MDGA2: variants seen among roughly 807,000 people sequenced by gnomAD.
MDGA2 encodes the protein MAM domain-containing glycosylphosphatidylinositol anchor protein 2.
A neutral mutation model predicts 117.8 loss-of-function variants in MDGA2; 40 were observed. The ratio of observed to expected loss-of-function variants is 0.34; its 90% CI spans 0.26 to 0.44. The LOEUF (loss-of-function observed/expected upper bound fraction) is 0.44, where lower values mean the gene tolerates loss of function less well. Ranked by LOEUF, MDGA2 falls within the 20% of genes least tolerant of loss-of-function variation. MDGA2 has a pLI of 1.00. For missense variants in MDGA2, 1,123 were observed against 1,250.6 expected, an observed-to-expected ratio of 0.90 and a Z score of 1.54; for synonymous variants, 452 against 439.0, an observed-to-expected ratio of 1.03 and a Z score of -0.37.
At chr14:47,439,738 T>C (rs1892967103) in intron 1 of MDGA2, among the ~76,000 whole-genome samples, 1 of 151,956 alleles carries the variant, frequency 6.6e-6, no homozygotes, top group South Asian at 2.1e-4. Flanking sequence ...GTCTAAATAT[T>C]ATTGTCCAAT....
intron 2 of MDGA2, among the ~76,000 whole-genome samples, chr14:47,233,413 G>A (rs80116125): frequency 2.0e-5 from 3 of 152,130 alleles, no homozygotes; most frequent in East Asian, 3.9e-4. Flanking sequence ...CTCCTTACGC[G>A]CTTAGTTTTC....
At chr14:47,437,387 T>C (rs1370853628) in intron 1 of MDGA2, among the ~76,000 whole-genome samples, 1 of 152,162 alleles carries the variant, frequency 6.6e-6, no homozygotes, top group Admixed American at 6.5e-5. Context: ...TAAATCTCAG[T>C]AAATAACAGC....
At chr14:46,933,827 T>C (rs1323524912) in intron 9 of MDGA2, among the ~76,000 whole-genome samples, 3 of 61,590 alleles carry the variant, frequency 4.9e-5, no homozygotes, top group Non-Finnish European at 7.2e-5. Context: ...TATATATATA[T>C]ATATATATAT....
intron 1 of MDGA2, among the ~76,000 whole-genome samples, chr14:47,582,270 C>T (rs769412838): frequency 1.7e-4 from 26 of 151,922 alleles, no homozygotes; most frequent in Middle Eastern, 3.4e-3. Context: ...GGCCAGTCCT[C>T]CATAATAGTG....
At chr14:47,015,315 T>G (rs931055575) in intron 8 of MDGA2, among the ~76,000 whole-genome samples, 1 of 110,648 alleles carries the variant, frequency 9.0e-6, no homozygotes, top group East Asian at 3.9e-4. Context: ...AGTGAGCACA[T>G]GCTGTTAAAA....
intron 1 of MDGA2, among the ~76,000 whole-genome samples, chr14:47,464,067 T>G (rs1440752456): frequency 6.6e-6 from 1 of 151,038 alleles, no homozygotes; most frequent in Admixed American, 6.6e-5. Flanking sequence ...AACTGGGTAG[T>G]TTAGCTTTAA....
At chr14:47,172,657 A>G (rs1240935539) in intron 3 of MDGA2, among the ~76,000 whole-genome samples, 2 of 152,156 alleles carry the variant, frequency 1.3e-5, no homozygotes, top group Non-Finnish European at 2.9e-5. Context: ...GTACATCACC[A>G]TCATCAAACA....
intron 1 of MDGA2, among the ~76,000 whole-genome samples, chr14:47,315,238 T>C (rs1051210036): frequency 6.6e-6 from 1 of 152,174 alleles, no homozygotes; most frequent in East Asian, 1.9e-4. Flanking sequence ...GAAACACTTA[T>C]CTATCTGGAT....
intron 1 of MDGA2, among the ~76,000 whole-genome samples, chr14:47,549,343 A>ATCTCTCTCTCTC (rs3039661): frequency 0.066 from 9,285 of 140,030 alleles, 379 homozygotes; most frequent in Non-Finnish European, 0.079. Flanking sequence ...CACCAGTATT[A>ATCTCTCTCTCTC]TCTCTCTCTC....
chr14:47,405,246 C>T (rs1289553253), intron 1 of MDGA2, among the ~76,000 whole-genome samples: 1 of 152,108 alleles, frequency 6.6e-6, no homozygotes, highest in African/African-American at 2.4e-5. Flanking sequence ...TCTTACAGTT[C>T]TTAATTGAAT....
intron 2 of MDGA2, among the ~76,000 whole-genome samples, chr14:47,291,600 CAGTT>C (rs1888891555): frequency 6.6e-6 from 1 of 152,186 alleles, no homozygotes; most frequent in African/African-American, 2.4e-5. Context: ...CATTAGCCCA[CAGTT>C]AGGCAAAATC....
chr14:47,513,987 TA>T (rs1365242845), intron 1 of MDGA2, among the ~76,000 whole-genome samples: 1 of 152,110 alleles, frequency 6.6e-6, no homozygotes, highest in Non-Finnish European at 1.5e-5. Context: ...AATAGGCTAG[TA>T]GGCTAAAACA....
chr14:47,293,939 T>C (rs973780756), intron 2 of MDGA2, among the ~76,000 whole-genome samples: 22 of 152,016 alleles, frequency 1.4e-4, no homozygotes, highest in African/African-American at 5.1e-4. Flanking sequence ...ACAAAACTAT[T>C]TGAAGACTAT....
At chr14:47,210,086 T>C (rs1885826616) in intron 3 of MDGA2, among the ~76,000 whole-genome samples, 1 of 152,206 alleles carries the variant, frequency 6.6e-6, no homozygotes, top group African/African-American at 2.4e-5. Context: ...TTTATAATTC[T>C]TTCTAACACA....
At chr14:47,382,417 A>C (rs1249597787) in intron 1 of MDGA2, among the ~76,000 whole-genome samples, 1 of 152,216 alleles carries the variant, frequency 6.6e-6, no homozygotes, top group Non-Finnish European at 1.5e-5. Context: ...CTGAACAGGC[A>C]ACCTACAGAA....
chr14:47,606,621 C>A (rs928782144), intron 1 of MDGA2, among the ~76,000 whole-genome samples: 1 of 152,096 alleles, frequency 6.6e-6, no homozygotes, highest in Non-Finnish European at 1.5e-5. Context: ...GTACTGTTTG[C>A]CTTGTGTCAG....
rs1885462921 is a variant in MDGA2, at chr14:47,200,551, A to ATTTT, written c.595+17469_595+17470insAAAA. 6.7e-5 allele frequency: 18 copies of ATTTT among 266,892 alleles called. No individual in the cohort carries two copies. The African/African-American group carries it at 1.2e-3, about 18-fold the overall frequency. 16.5% of individuals were successfully genotyped at this position (266,892 alleles called of 1,614,324 possible). A position where few individuals can be genotyped will look rare whatever the true frequency, so the allele number is the denominator to read the frequency against. On this transcript the variant is annotated intron_variant, in intron 3 of 16. Coordinates refer to ENST00000399232, the MANE Select transcript of MDGA2 (RefSeq NM_001113498.3). ...TTTCTTTTCTTTTTTTTTTTTTTTG[A>ATTTT]GGAGTTAACAGTCTTTATTGGGCTC...
At chr14:46,844,506 G>A (rs928132209) in intron 16 of MDGA2, among the ~76,000 whole-genome samples, 1 of 152,038 alleles carries the variant, frequency 6.6e-6, no homozygotes, top group Non-Finnish European at 1.5e-5. Flanking sequence ...ACTTGAACCC[G>A]GGAGGCGGAG....
chr14:47,306,493 GGTTTT>G, intron 1 of MDGA2, among the ~76,000 whole-genome samples: 1 of 1,256 alleles, frequency 8.0e-4, no homozygotes. Flanking sequence ...AGGCATTTAT[GGTTTT>G]ATTTATGGTT....
Sources: allele counts gnomAD v4.1 joint callset (sites outside exome capture counted in the v4.1 genomes callset), GRCh38; gene constraint gnomAD v4.1.1; transcripts MANE v1.5; gene names NCBI Gene and HGNC (gene_info 2026-07-23, HGNC 2026-07-21).